Variants in DISP3 observed in about 807,000 individuals in gnomAD.
DISP3 encodes the protein protein dispatched homolog 3.
Under a neutral mutation model 135.3 loss-of-function variants are expected in DISP3, and 101 were observed. The ratio of observed to expected loss-of-function variants is 0.75; its 90% confidence interval spans 0.64 to 0.88. The LOEUF (loss-of-function observed/expected upper bound fraction) is 0.88. Ranked by LOEUF, DISP3 falls within the 40% of genes least tolerant of loss-of-function variation. The probability of loss-of-function intolerance (pLI) is 0.00; values close to 1 mark genes in which losing one functional copy is unlikely to be tolerated. For synonymous variants in DISP3, 856 were observed against 817.0 expected (o/e 1.05, Z -0.81); for missense variants, 1,713 against 1,878.6 (o/e 0.91, Z 1.63).
intron 15 of DISP3, 91 bp downstream of exon 15, chr1:11,530,050 C>T: frequency 1.3e-6 from 2 of 1,511,316 alleles, no homozygotes; most frequent in Non-Finnish European, 1.8e-6. Flanking sequence ...TCCAGCTCCT[C>T]ACACCCCCTC....
chr1:11,517,421 G>T (rs1170572930), intron 6 of DISP3, 42 bp from the exon 7 acceptor site: 1 of 1,608,718 alleles, frequency 6.2e-7, no homozygotes, highest in African/African-American at 1.3e-5. Context: ...CTGACTGCAG[G>T]TCCAACCTGT....
In DISP3 at chr1:11,531,425, G is replaced by A. The variant is rs1430340001; in HGVS notation, c.3230-140G>A. ...TCCACCCCGATGGCAAATGCATGTT[G>A]TAGGTTTCCCAATGCCGTTGCCAAT... On this transcript the variant is annotated intron_variant, in intron 16 of 20. Transcript: ENST00000294484. This position sits in a 1 kb window ranked among gnomAD's most constrained non-coding sequence, Gnocchi z 5.2. 6 of 1,239,720 alleles carry A rather than the reference G, an allele frequency of 4.8e-6. No individual in the cohort carries two copies. The East Asian group carries it at 1.5e-4, about 31-fold the overall frequency. 76.8% of individuals were successfully genotyped at this position (1,239,720 alleles called of 1,614,324 possible). A position where few individuals can be genotyped will look rare whatever the true frequency, so the allele number is the denominator to read the frequency against.
At position 11,501,311 on chromosome 1, in the gene DISP3, G is replaced by A; in HGVS notation, c.319G>A (p.Ala107Thr). The change falls in exon 2 of 21, where the codon GCC (alanine) becomes ACC (threonine). Residue 107 changes from alanine to threonine, a missense_variant. Ala to Thr is a moderately conservative substitution (Grantham distance 58). Coordinates refer to ENST00000294484, the MANE Select transcript of DISP3 (RefSeq NM_020780.2). The surrounding 1 kb of genome is among the most constrained non-coding windows in gnomAD (Gnocchi z 4.9). ...GCTGGACATTGACATCTCCTACAAC[G>A]CCTTTGAGATCCGCAACCACGAGGC... ...PPLDIDISYN[A>T]FEIRNHEASQ... The A allele has an allele frequency of 6.2e-7, 1 of 1,613,952 alleles. No individual in the cohort carries two copies. Among genetic ancestry groups the A allele is most frequent in the Non-Finnish European group, 8.5e-7 (1 of 1,179,998 alleles).
At chr1:11,517,156 G>A (rs12086442) in intron 6 of DISP3, among the ~76,000 whole-genome samples, 4,255 of 152,224 alleles carry the variant, frequency 0.028, 220 homozygotes, top group African/African-American at 0.096. Context: ...CCATTCATTC[G>A]CGTAATGACA....
chr1:11,501,344 C>T lies in DISP3; in HGVS notation c.352C>T (p.Arg118Cys), dbSNP rs757259131. ...GATCCGCAACCACGAGGCCTCACAG[C>T]GTTTCGACGCTCTCACTCTGGCGCT... is the stretch of plus-strand genomic sequence containing the variant. The part of the protein sequence containing the change: ...FEIRNHEASQ[R>C]FDALTLALKS... The change falls in exon 2 of 21, where the codon CGT becomes TGT. Residue 118 changes from arginine to cysteine, a missense_variant. This residue lies in a region of DISP3 where 571 missense variants were observed against 494.1 expected (regional missense o/e 1.16). Coordinates refer to ENST00000294484, the MANE Select transcript of DISP3 (RefSeq NM_020780.2). This position sits in a 1 kb window ranked among gnomAD's most constrained non-coding sequence, Gnocchi z 4.9. 6 of 1,613,396 alleles carry T rather than the reference C, an allele frequency of 3.7e-6. No homozygotes were observed. The highest frequency in any genetic ancestry group is 5.1e-6 in the Non-Finnish European group (6 of 1,179,776).
At chr1:11,486,600 G>T (rs1012186336) in intron 1 of DISP3, among the ~76,000 whole-genome samples, 1 of 152,176 alleles carries the variant, frequency 6.6e-6, no homozygotes, top group Non-Finnish European at 1.5e-5. Flanking sequence ...GGGAGTTAAT[G>T]AACATGCGAA....
intron 2 of DISP3, 131 bp downstream of exon 2, chr1:11,502,219 C>G (rs2076465): frequency 2.2e-6 from 3 of 1,364,270 alleles, no homozygotes; most frequent in Non-Finnish European, 2.9e-6. Context: ...TGGGCATGGC[C>G]GGAGGGCAAG....
In DISP3 at chr1:11,491,007, T is replaced by A. The variant is rs928588150; in HGVS notation, c.-3-9983T>A. Among the ~76,000 whole-genome samples, 1 of 152,172 alleles carries A rather than the reference T, an allele frequency of 6.6e-6. No individual in the cohort carries two copies. The highest frequency in any genetic ancestry group is 2.4e-5 in the African/African-American group (1 of 41,434). On this transcript the variant is annotated intron_variant, in intron 1 of 20. Transcript: ENST00000294484. This position sits in a 1 kb window ranked among gnomAD's most constrained non-coding sequence, Gnocchi z 4.3. ...CTACCAAGAAGAGCTATTTGGCAGATCTGGGTGTGCTGTTTGTATCCCCCT... is the reference window on the plus strand; with the variant it reads ...CTACCAAGAAGAGCTATTTGGCAGAACTGGGTGTGCTGTTTGTATCCCCCT...
intron 13 of DISP3, among the ~76,000 whole-genome samples, chr1:11,527,561 A>G (rs1036432561): frequency 3.2e-4 from 48 of 151,360 alleles, no homozygotes; most frequent in African/African-American, 3.1e-4. Flanking sequence ...AAAAAAAAAA[A>G]AGAGAAAAAG....
At position 11,481,038 on chromosome 1, in the gene DISP3, T is replaced by TTCTCTC. The variant is rs368929945; in HGVS notation, c.-4+1687_-4+1692dup. On this transcript the variant is annotated intron_variant, in intron 1 of 20. Coordinates refer to ENST00000294484, the MANE Select transcript of DISP3 (RefSeq NM_020780.2). ...CCCTGCTCTGTTCCCTCCCCCAGGTTTCTCTCTCTCTCTCTCTCTCTCTCT... is the reference window on the plus strand; with the variant it reads ...CCCTGCTCTGTTCCCTCCCCCAGGTTTCTCTCTCTCTCTCTCTCTCTCTCTCTCTCT... Among the ~76,000 whole-genome samples the TTCTCTC allele has an allele frequency of 9.2e-4, 120 of 129,842 alleles. 2 individuals are homozygous for TTCTCTC. In the South Asian group the frequency reaches 0.021, roughly 23 times the overall value. 85.2% of individuals were successfully genotyped at this position (129,842 alleles called of 152,430 possible). A position where few individuals can be genotyped will look rare whatever the true frequency, so the allele number is the denominator to read the frequency against.
intron 3 of DISP3, among the ~76,000 whole-genome samples, chr1:11,508,652 T>C (rs1641771544): frequency 6.6e-6 from 1 of 152,110 alleles, no homozygotes; most frequent in Admixed American, 6.5e-5. Context: ...ATTTTTAATT[T>C]TCATGAGCAC....
chr1:11,484,969 G>C (rs1350893367), intron 1 of DISP3, among the ~76,000 whole-genome samples: 1 of 152,152 alleles, frequency 6.6e-6, no homozygotes, highest in African/African-American at 2.4e-5. Flanking sequence ...TGGGCTTGTA[G>C]AAGTGTTAGG....
At chr1:11,523,832 G>T in intron 10 of DISP3, 110 bp from the exon 11 acceptor site, 1 of 788,174 alleles carries the variant, frequency 1.3e-6, no homozygotes, top group South Asian at 2.0e-5. Flanking sequence ...CCAGTCCCTG[G>T]GCCCCAGTTC....
chr1:11,494,103 T>C (rs376674119), intron 1 of DISP3, among the ~76,000 whole-genome samples: 48 of 152,142 alleles, frequency 3.2e-4, no homozygotes, highest in East Asian at 2.7e-3. Context: ...AGACCTGGGG[T>C]TCAAACTCCA....
chr1:11,521,339 G>A (rs1316855585), intron 10 of DISP3, among the ~76,000 whole-genome samples: 4 of 137,946 alleles, frequency 2.9e-5, no homozygotes, highest in Non-Finnish European at 4.7e-5. Context: ...GAGAAAGGAG[G>A]GAAGAGGAGG....
chr1:11,503,119 A>C (rs181548019), intron 3 of DISP3, among the ~76,000 whole-genome samples: 178 of 152,346 alleles, frequency 1.2e-3, no homozygotes, highest in African/African-American at 4.1e-3. Context: ...GCTTTGGGCC[A>C]GGTAGGAAAT....
intron 3 of DISP3, among the ~76,000 whole-genome samples, chr1:11,509,242 C>T (rs1192707550): frequency 1.3e-5 from 2 of 151,418 alleles, no homozygotes; most frequent in Non-Finnish European, 2.9e-5. Context: ...AATTTAATTT[C>T]ATGATGGTTA....
chr1:11,487,714 C>A (rs1479852803), intron 1 of DISP3, among the ~76,000 whole-genome samples: 1 of 152,166 alleles, frequency 6.6e-6, no homozygotes, highest in Non-Finnish European at 1.5e-5. Flanking sequence ...AGACTGACTC[C>A]CTGAGCGTTG....
At chr1:11,535,227 T>A in intron 19 of DISP3, 103 bp downstream of exon 19, 1 of 1,182,474 alleles carries the variant, frequency 8.5e-7, no homozygotes, top group Non-Finnish European at 1.2e-6. Flanking sequence ...CCTTTCACTG[T>A]CACATCTCAG....
Sources: gnomAD v4.1 joint callset for allele counts (sites outside exome capture counted in the v4.1 genomes callset) on GRCh38, gnomAD v4.1.1 for gene constraint, gnomAD v4.1.1 regional missense constraint, Gnocchi (gnomAD v3.1) non-coding constraint, MANE v1.5 for transcripts, NCBI Gene and HGNC (gene_info 2026-07-23, HGNC 2026-07-21) for gene names.